Variants in SECISBP2 observed in about 807,000 individuals in gnomAD.
SECISBP2 encodes the protein SECIS binding protein 2.
Under a neutral mutation model 98.2 loss-of-function variants are expected in SECISBP2, and 96 were observed. That is an observed-to-expected ratio of 0.98 (90% CI 0.83 to 1.16). SECISBP2 has a LOEUF of 1.16. Ranked by LOEUF, SECISBP2 falls within the 50% of genes most tolerant of loss-of-function variation. The probability of loss-of-function intolerance (pLI) is 0.00; values close to 1 mark genes in which losing one functional copy is unlikely to be tolerated. For synonymous variants in SECISBP2, 407 were observed against 370.2 expected, an observed-to-expected ratio of 1.10 and a Z score of -1.14; for missense variants, 1,046 against 1,022.9, an observed-to-expected ratio of 1.02 and a Z score of -0.31.
chr9:89,356,612 C>A (rs1244123784), intron 14 of SECISBP2: 4 of 152,208 alleles, frequency 2.6e-5, no homozygotes, highest in Non-Finnish European at 5.9e-5. Context: ...GCACATACCA[C>A]CACACTGGGC....
chr9:89,347,414 C>G (rs2131934572), intron 11 of SECISBP2, among the ~76,000 whole-genome samples: 1 of 150,952 alleles, frequency 6.6e-6, no homozygotes, highest in South Asian at 2.1e-4. Flanking sequence ...GAATAATGCA[C>G]ACTTCTTGCA....
Position 89,358,982 on chromosome 9 carries a change from C to T in SECISBP2, c.*158C>T, listed in dbSNP as rs919773784. 3.8e-5 allele frequency: 25 copies of T among 658,182 alleles called. No individual in the cohort carries two copies. The East Asian group carries it at 6.9e-4, about 18-fold the overall frequency. The allele number at this position is 658,182 out of a possible 1,614,324, so 40.8% of individuals were successfully genotyped here. ...GGGCACATGAAGCAGTGTCTGCAGG[C>T]GTTCAGTGCTGCGGAGCCTGTTAAA... On this transcript the variant is annotated 3_prime_UTR_variant, in exon 17 of 17. Transcript: ENST00000375807.
intron 14 of SECISBP2, chr9:89,355,117 A>G (rs1231901170): frequency 1.0e-6 from 1 of 985,478 alleles, no homozygotes; most frequent in Non-Finnish European, 1.2e-6. Flanking sequence ...AACTAGATGC[A>G]GAATGAGTTC....
chr9:89,337,820 T>A (rs1328095985), intron 7 of SECISBP2, among the ~76,000 whole-genome samples: 2 of 152,176 alleles, frequency 1.3e-5, no homozygotes, highest in Admixed American at 6.5e-5. Flanking sequence ...CAGAGAGTGA[T>A]CAGTGCTCTG....
downstream of SECISBP2, chr9:89,364,169 C>A: frequency 1.1e-6 from 1 of 902,060 alleles, no homozygotes; most frequent in Non-Finnish European, 1.6e-6. Context: ...GCTCTTTGAC[C>A]TTAATTGCCA....
At position 89,328,746 on chromosome 9, in the gene SECISBP2, C is replaced by T. The variant is rs368048141; in HGVS notation, c.661C>T (p.Leu221=). The T allele has an allele frequency of 6.8e-6, 11 of 1,614,076 alleles. No individual in the cohort carries two copies. The African/African-American group carries it at 1.5e-4, about 22-fold the overall frequency. The change falls in exon 5 of 17, where the codon CTG becomes TTG. Residue 221 remains leucine (L), a synonymous_variant. Transcript: ENST00000375807. Reference sequence around the variant, plus strand: ...CAAACCTGAGTTTGAATTTACCACACTGGACTTTCCTGAACTGCAAGGTGC... The same window carrying T: ...CAAACCTGAGTTTGAATTTACCACATTGGACTTTCCTGAACTGCAAGGTGC... ...TSKPEFEFTT[L]DFPELQGAEN... is the part of the protein sequence containing the mutation.
At chr9:89,325,362 AT>A in intron 2 of SECISBP2, 64 bp from the exon 3 acceptor site, 1 of 1,477,352 alleles carries the variant, frequency 6.8e-7, no homozygotes, top group Non-Finnish European at 9.4e-7. Context: ...GAATTAGTTT[AT>A]TACAGAAAAG....
At chr9:89,357,121 T>A in intron 14 of SECISBP2, 1 of 436,292 alleles carries the variant, frequency 2.3e-6, no homozygotes, top group South Asian at 2.1e-5. Context: ...TGTCTGCCTT[T>A]TGGGATTTGG....
intron 5 of SECISBP2, 58 bp downstream of exon 5, chr9:89,328,944 T>A (rs1827251576): frequency 7.4e-7 from 1 of 1,352,866 alleles, no homozygotes; most frequent in Non-Finnish European, 1.0e-6. Context: ...ATTGTCTCAT[T>A]TCAAACATTA....
chr9:89,347,439 A>T (rs1830574012), intron 11 of SECISBP2, among the ~76,000 whole-genome samples: 1 of 150,222 alleles, frequency 6.7e-6, no homozygotes, highest in South Asian at 2.1e-4. Context: ...TTCCAGAAGG[A>T]CAGTCACAGG....
At chr9:89,362,879 G>T (rs1370402056), downstream of SECISBP2, among the ~76,000 whole-genome samples, 1 of 152,176 alleles carries the variant, frequency 6.6e-6, no homozygotes, top group Admixed American at 6.5e-5. Flanking sequence ...TTTAGGAGCC[G>T]GGGCTGGACA....
chr9:89,323,414 C>T (rs74812516), intron 2 of SECISBP2: 5 of 152,510 alleles, frequency 3.3e-5, no homozygotes, highest in Admixed American at 3.3e-4. Context: ...GAGATAGAGC[C>T]TTGGAGGGCA....
chr9:89,333,241 C>G (rs1440226276), intron 6 of SECISBP2, among the ~76,000 whole-genome samples: 1 of 152,154 alleles, frequency 6.6e-6, no homozygotes, highest in Non-Finnish European at 1.5e-5. Flanking sequence ...TTTATGAACT[C>G]AGCAGTAACT....
At chr9:89,340,112 CAG>C (rs1404265004) in intron 9 of SECISBP2, among the ~76,000 whole-genome samples, 159 bp downstream of exon 9, 3 of 152,070 alleles carry the variant, frequency 2.0e-5, no homozygotes, top group African/African-American at 7.2e-5. Flanking sequence ...CATGTTGAAA[CAG>C]AATTGCTCTT....
intron 4 of SECISBP2, among the ~76,000 whole-genome samples, chr9:89,327,764 A>G (rs1827006223): frequency 6.6e-6 from 1 of 150,998 alleles, no homozygotes; most frequent in Admixed American, 6.6e-5. Context: ...CTCCTGAGGG[A>G]CCTGCCTGAA....
intron 14 of SECISBP2, chr9:89,355,322 C>T (rs1192603628): frequency 6.1e-6 from 6 of 985,284 alleles, no homozygotes; most frequent in Non-Finnish European, 7.2e-6. Context: ...GCCTTGGTAA[C>T]TCGAAAGCAT....
chr9:89,363,909 C>T, downstream of SECISBP2: 1 of 1,614,128 alleles, frequency 6.2e-7, no homozygotes, highest in East Asian at 2.2e-5. Context: ...GTCTCCAGAG[C>T]TCGCCCATTC....
Position 89,341,390 on chromosome 9 carries a change from A to G in SECISBP2, c.1346A>G (p.Gln449Arg). The change falls in exon 10 of 17, where the codon CAG (glutamine) becomes CGG (arginine). Residue 449 changes from glutamine (Q) to arginine (R), a missense_variant. Physicochemically the swap from Gln to Arg is conservative, Grantham distance 43. Coordinates refer to ENST00000375807, the MANE Select transcript of SECISBP2 (RefSeq NM_024077.5). ...GTAAAGAAGAGCCAGCTTCCAGTGC[A>G]GTTGGACTTGGGGGGCATGCTGACA... ...NNVKKSQLPV[Q>R]LDLGGMLTAL... 2 of 1,614,046 alleles carry G rather than the reference A, an allele frequency of 1.2e-6. No homozygotes were observed.
At chr9:89,333,042 AT>A in intron 6 of SECISBP2, 56 bp downstream of exon 6, 2 of 1,427,028 alleles carry the variant, frequency 1.4e-6, no homozygotes, top group Non-Finnish European at 2.0e-6. Flanking sequence ...TTTTAAGTTC[AT>A]TTTTAACTCC....
Sources: allele counts gnomAD v4.1 joint callset (sites outside exome capture counted in the v4.1 genomes callset), GRCh38; gene constraint gnomAD v4.1.1; transcripts MANE v1.5; gene names NCBI Gene and HGNC (gene_info 2026-07-23, HGNC 2026-07-21).